DPH6: variants seen among roughly 807,000 people sequenced by gnomAD.
DPH6 encodes diphthamine biosynthesis 6.
Under a neutral mutation model 38.2 loss-of-function variants are expected in DPH6, and 33 were observed. The observed-to-expected ratio is 0.86, with a 90% CI of 0.65 to 1.15. The LOEUF (loss-of-function observed/expected upper bound fraction) is 1.15. Among genes scored for constraint, DPH6 ranks in the 50% most tolerant of loss-of-function variants. The probability of loss-of-function intolerance (pLI) is 0.00; values close to 1 mark genes in which losing one functional copy is unlikely to be tolerated. For synonymous variants in DPH6, 108 were observed against 103.0 expected (o/e 1.05, Z -0.30); for missense variants, 325 against 320.0 (o/e 1.02, Z -0.12).
At chr15:35,182,234 TTTTTTTTTTTTTTTTTTTTTTTA>T in the DPH6 span, among the ~76,000 whole-genome samples, 1 of 122,338 alleles carries the variant, frequency 8.2e-6, no homozygotes, top group African/African-American at 4.8e-5. Flanking sequence ...TTTTTTTTTT[TTTTTTTTTTTTTTTTTTTTTTTA>T]CTTTTAAGGC....
the DPH6 span, among the ~76,000 whole-genome samples, chr15:35,180,745 C>A: frequency 6.6e-6 from 1 of 152,182 alleles, no homozygotes; most frequent in South Asian, 2.1e-4. Context: ...ATCTCAGCCT[C>A]CCAAAGTGCT....
intron 3 of DPH6, among the ~76,000 whole-genome samples, chr15:35,279,068 A>ATATATATATAT (rs55735987): frequency 3.9e-5 from 4 of 102,992 alleles, no homozygotes; most frequent in African/African-American, 1.9e-4. Flanking sequence ...AAAAAAAAAA[A>ATATATATATAT]ATATATATAT....
chr15:35,412,723 T>A (rs2053382716), intron 5 of DPH6, among the ~76,000 whole-genome samples: 1 of 151,636 alleles, frequency 6.6e-6, no homozygotes, highest in Non-Finnish European at 1.5e-5. Context: ...AAAAAGCCAA[T>A]TTGAAAACGC....
the DPH6 span, among the ~76,000 whole-genome samples, chr15:35,198,335 C>T: frequency 1.3e-5 from 2 of 152,084 alleles, no homozygotes; most frequent in South Asian, 2.1e-4. Flanking sequence ...CTATAAATTC[C>T]AATCACATCA....
At chr15:35,201,615 TG>T in the DPH6 span, among the ~76,000 whole-genome samples, 1 of 151,890 alleles carries the variant, frequency 6.6e-6, no homozygotes, top group Non-Finnish European at 1.5e-5. Context: ...TTTGTCTTTT[TG>T]CATGTTGCTC....
intron 3 of DPH6, among the ~76,000 whole-genome samples, chr15:35,345,511 T>TAACA (rs2052454848): frequency 2.6e-5 from 4 of 151,960 alleles, no homozygotes; most frequent in African/African-American, 9.6e-5. Context: ...CGTGGTTGTC[T>TAACA]GTATTATTCT....
At chr15:35,182,760 T>C in the DPH6 span, among the ~76,000 whole-genome samples, 5 of 152,150 alleles carry the variant, frequency 3.3e-5, no homozygotes, top group African/African-American at 1.2e-4. Context: ...GTGTAGGTGA[T>C]CAGGTATAGG....
chr15:35,170,073 A>G, the DPH6 span, among the ~76,000 whole-genome samples: 4 of 152,242 alleles, frequency 2.6e-5, no homozygotes, highest in South Asian at 4.1e-4. Flanking sequence ...GGCTAATTTG[A>G]TAAAGGAATA....
intron 5 of DPH6, among the ~76,000 whole-genome samples, chr15:35,411,829 G>A (rs1200723707): frequency 6.6e-6 from 1 of 151,594 alleles, no homozygotes; most frequent in African/African-American, 2.4e-5. Flanking sequence ...AATGGATCTA[G>A]ACACAGACTT....
chr15:35,342,156 C>T (rs1294450038), intron 3 of DPH6, among the ~76,000 whole-genome samples: 4 of 152,162 alleles, frequency 2.6e-5, no homozygotes, highest in Admixed American at 2.6e-4. Flanking sequence ...TCACCCTCTT[C>T]CTAGGGATAT....
At chr15:35,524,903 C>G (rs551996701) in intron 3 of DPH6, among the ~76,000 whole-genome samples, 4 of 152,170 alleles carry the variant, frequency 2.6e-5, no homozygotes, top group African/African-American at 4.8e-5. Flanking sequence ...ATTACAAATA[C>G]TAAGTCCTGA....
At chr15:35,188,222 C>A in the DPH6 span, among the ~76,000 whole-genome samples, 1 of 152,242 alleles carries the variant, frequency 6.6e-6, no homozygotes, top group African/African-American at 2.4e-5. Context: ...CATAAGATCT[C>A]GGGAGTTGGC....
intron 3 of DPH6, among the ~76,000 whole-genome samples, chr15:35,221,245 T>C (rs2051440282): frequency 6.6e-6 from 1 of 152,240 alleles, no homozygotes; most frequent in African/African-American, 2.4e-5. Context: ...ATGCAGCAGC[T>C]ATCACAGGTT....
chr15:35,180,994 T>C, the DPH6 span, among the ~76,000 whole-genome samples: 6 of 152,216 alleles, frequency 3.9e-5, no homozygotes, highest in African/African-American at 1.2e-4. Flanking sequence ...GTAGCTGTGT[T>C]GACATTAGTG....
At chr15:35,318,427 T>C (rs1012606855) in intron 3 of DPH6, among the ~76,000 whole-genome samples, 3 of 152,072 alleles carry the variant, frequency 2.0e-5, no homozygotes, top group Non-Finnish European at 4.4e-5. Flanking sequence ...AGCAAAGATA[T>C]AGAAGATCTA....
chr15:35,478,369 A>C (rs554038972), intron 3 of DPH6, among the ~76,000 whole-genome samples: 77 of 16,850 alleles, frequency 4.6e-3, no homozygotes, highest in African/African-American at 5.8e-3. Context: ...CCACACATAC[A>C]CACACACACA....
chr15:35,437,465 C>T (rs77497888), intron 5 of DPH6, among the ~76,000 whole-genome samples: 5,655 of 152,250 alleles, frequency 0.037, 125 homozygotes, highest in East Asian at 0.094. Flanking sequence ...AAGGGAACCC[C>T]GGAGCCTGAC....
At chr15:35,436,397 C>T (rs952526988) in intron 5 of DPH6, among the ~76,000 whole-genome samples, 3 of 151,602 alleles carry the variant, frequency 2.0e-5, no homozygotes, top group Non-Finnish European at 4.4e-5. Context: ...ACCAGGGAGG[C>T]GGAGCTTGCA....
At chr15:35,435,694 G>C (rs546844763) in intron 5 of DPH6, among the ~76,000 whole-genome samples, 1 of 151,994 alleles carries the variant, frequency 6.6e-6, no homozygotes, top group Non-Finnish European at 1.5e-5. Context: ...ATTTTTCTTG[G>C]TTGTGAGACA....
Sources: gnomAD v4.1 joint callset for allele counts (sites outside exome capture counted in the v4.1 genomes callset) on GRCh38, gnomAD v4.1.1 for gene constraint, MANE v1.5 for transcripts, NCBI Gene and HGNC (gene_info 2026-07-23, HGNC 2026-07-21) for gene names.